The following RP1 variants were observed in gnomAD, a reference collection of about 807,000 sequenced individuals.
The protein encoded by RP1 is oxygen-regulated protein 1.
A neutral mutation model predicts 14.8 loss-of-function variants in RP1; 16 were observed. The observed-to-expected ratio is 1.08, with a 90% CI of 0.73 to 1.65. The LOEUF is 1.65. Among genes scored for constraint, RP1 ranks in the 40% most tolerant of loss-of-function variants. RP1 has a pLI of 0.00. For missense variants in RP1, 2,631 were observed against 2,535.0 expected (o/e 1.04, Z -0.81); for synonymous variants, 876 against 883.6 (o/e 0.99, Z 0.15).
At chr8:54,608,230 C>T (rs2129308637) in intron 1 of RP1, among the ~76,000 whole-genome samples, 1 of 151,050 alleles carries the variant, frequency 6.6e-6, no homozygotes, top group South Asian at 2.1e-4. Context: ...AGTCTGTTGC[C>T]CAGGCTGGAG....
At chr8:54,569,481 A>T (rs1202925128) in intron 1 of RP1, among the ~76,000 whole-genome samples, 1 of 152,246 alleles carries the variant, frequency 6.6e-6, no homozygotes, top group Non-Finnish European at 1.5e-5. Context: ...TTCAGCTGTG[A>T]TTCCCATTGT....
chr8:54,662,697 T>A (rs1806928625), intron 6 of RP1, among the ~76,000 whole-genome samples: 1 of 152,052 alleles, frequency 6.6e-6, no homozygotes, highest in South Asian at 2.1e-4. Context: ...TATTTCCAGG[T>A]CTCTGGTGCA....
chr8:54,802,190 G>A (rs1256285698), intron 24 of RP1, among the ~76,000 whole-genome samples: 5 of 152,054 alleles, frequency 3.3e-5, no homozygotes, highest in African/African-American at 4.8e-5. Flanking sequence ...CTGTAAAAAG[G>A]CAACTTAGAG....
chr8:54,829,209 A>G (rs1811462429), intron 24 of RP1, among the ~76,000 whole-genome samples: 1 of 152,116 alleles, frequency 6.6e-6, no homozygotes, highest in African/African-American at 2.4e-5. Flanking sequence ...GACTATATAT[A>G]ATTTCTAGAT....
At chr8:54,741,037 A>C (rs74552832) in intron 19 of RP1, among the ~76,000 whole-genome samples, 1 of 140,466 alleles carries the variant, frequency 7.1e-6, no homozygotes. Flanking sequence ...ACTTTGTCTC[A>C]AAAAAAAAAA....
chr8:54,610,158 A>G (rs573327988), intron 1 of RP1, among the ~76,000 whole-genome samples: 3 of 152,332 alleles, frequency 2.0e-5, no homozygotes, highest in Admixed American at 6.5e-5. Context: ...GCCCATGCTT[A>G]CTTCTCAGCA....
Position 54,621,350 on chromosome 8 carries a change from C to T in RP1, c.384C>T (p.Leu128=). 2 of 1,611,664 alleles carry T rather than the reference C, an allele frequency of 1.2e-6. No individual in the cohort carries two copies. Among genetic ancestry groups the T allele is most frequent in the Non-Finnish European group, 8.5e-7 (1 of 1,178,946 alleles). The part of the protein sequence containing the change: ...DKARRRPRPW[L]SSRAISAHSP... ...CCCGTCGGCGCCCGCGGCCCTGGCT[C>T]AGCAGCCGGGCCATTAGCGCGCACT... Residue 128 remains leucine, a synonymous_variant, in exon 2 of 4, where the codon CTC becomes CTT. Coordinates refer to ENST00000220676, the MANE Select transcript of RP1 (RefSeq NM_006269.2).
intron 7 of RP1, among the ~76,000 whole-genome samples, chr8:54,668,526 C>T (rs1025480450): frequency 1.3e-5 from 2 of 152,004 alleles, no homozygotes; most frequent in African/African-American, 4.8e-5. Flanking sequence ...AAAATACTAC[C>T]TTCAAGTTCA....
At chr8:54,573,816 C>T (rs562841961) in intron 1 of RP1, among the ~76,000 whole-genome samples, 1 of 152,224 alleles carries the variant, frequency 6.6e-6, no homozygotes, top group Non-Finnish European at 1.5e-5. Flanking sequence ...ATTGGAACAA[C>T]TCCAATGTTT....
At chr8:54,699,853 A>G (rs1807970124) in intron 13 of RP1, among the ~76,000 whole-genome samples, 2 of 152,178 alleles carry the variant, frequency 1.3e-5, no homozygotes, top group Non-Finnish European at 2.9e-5. Context: ...TTTAGGGACC[A>G]TATTGTTGGA....
chr8:54,777,729 A>G lies in RP1; in HGVS notation c.3452-5818A>G, dbSNP rs1810077517. On this transcript the variant is annotated intron_variant, in intron 23 of 28. Coordinates refer to the RP1 transcript ENST00000637698. ...TTTATATACATAGAATTATTTGGAG[A>G]TAAAATTAATAAAAATTAGAATAAT... is the stretch of plus-strand genomic sequence containing the variant. 2.0e-5 allele frequency among the ~76,000 whole-genome samples: 3 copies of G among 152,216 alleles called. No homozygotes were observed. The South Asian group carries it at 6.2e-4, about 32-fold the overall frequency.
chr8:54,617,497 T>C (rs961137616), intron 1 of RP1, among the ~76,000 whole-genome samples: 3 of 152,244 alleles, frequency 2.0e-5, no homozygotes, highest in South Asian at 2.1e-4. Context: ...TTCACAGAAG[T>C]GGGCACTGTA....
chr8:54,567,599 T>A, intron 1 of RP1, among the ~76,000 whole-genome samples: 1 of 151,712 alleles, frequency 6.6e-6, no homozygotes. Context: ...CAATAAGCAA[T>A]GGGAAGCTGG....
At chr8:54,579,670 G>A (rs180770652) in intron 1 of RP1, among the ~76,000 whole-genome samples, 97 of 152,282 alleles carry the variant, frequency 6.4e-4, no homozygotes, top group Admixed American at 2.2e-3. Context: ...ACCATGGGAT[G>A]GTCGGCAATC....
intron 2 of RP1, 81 bp downstream of exon 2, chr8:54,621,662 G>C (rs897327943): frequency 1.3e-6 from 2 of 1,597,802 alleles, no homozygotes; most frequent in Non-Finnish European, 1.7e-6. Flanking sequence ...ATGAATGGTG[G>C]CCCCCGGGAA....
intron 17 of RP1, among the ~76,000 whole-genome samples, chr8:54,732,460 G>A (rs1026534362): frequency 1.8e-4 from 28 of 152,140 alleles, no homozygotes; most frequent in African/African-American, 6.5e-4. Context: ...CTTTTCATCA[G>A]TTCTGTTATT....
intron 1 of RP1, among the ~76,000 whole-genome samples, chr8:54,587,683 C>A (rs1055729449): frequency 1.8e-4 from 28 of 152,254 alleles, no homozygotes; most frequent in Admixed American, 1.2e-3. Flanking sequence ...AAATAAAATT[C>A]CTGAAGTCAA....
intron 8 of RP1, chr8:54,673,983 AAACTCTGTTCAAAT>A: frequency 7.4e-7 from 1 of 1,346,422 alleles, no homozygotes; most frequent in Non-Finnish European, 1.0e-6. Context: ...TGTTTATATG[AAACTCTGTTCAAAT>A]CTAGAAAATA....
At chr8:54,836,876 C>T (rs1811669454) in intron 24 of RP1, among the ~76,000 whole-genome samples, 1 of 151,820 alleles carries the variant, frequency 6.6e-6, no homozygotes, top group Admixed American at 6.6e-5. Context: ...TTTCATATGA[C>T]CCCTGTAGGA....
Sources: gnomAD v4.1 joint callset for allele counts (sites outside exome capture counted in the v4.1 genomes callset) on GRCh38, gnomAD v4.1.1 for gene constraint, MANE v1.5 for transcripts, NCBI Gene and HGNC (gene_info 2026-07-23, HGNC 2026-07-21) for gene names.